SNX29: variants seen among roughly 807,000 people sequenced by gnomAD.
SNX29 encodes sorting nexin 29, also known as sorting nexin-29.
Under a neutral mutation model 102.1 loss-of-function variants are expected in SNX29, and 78 were observed. The observed-to-expected ratio is 0.76, with a 90% CI of 0.64 to 0.92. SNX29 has a LOEUF of 0.92. Among genes scored for constraint, SNX29 ranks in the 40% least tolerant of loss-of-function variants. The pLI, the probability that SNX29 is intolerant of heterozygous loss-of-function variation, is 0.00. For missense variants in SNX29, 1,280 were observed against 1,061.7 expected, an observed-to-expected ratio of 1.21 and a Z score of -2.86; for synonymous variants, 580 against 414.5, an observed-to-expected ratio of 1.40 and a Z score of -4.85.
intron 3 of SNX29, among the ~76,000 whole-genome samples, chr16:12,015,551 T>TC (rs1567528313): frequency 6.9e-6 from 1 of 145,322 alleles, no homozygotes; most frequent in South Asian, 2.2e-4. Flanking sequence ...TTTTTTTTTT[T>TC]CCGAGACGGA....
chr16:11,986,996 C>T (rs1003392111), intron 1 of SNX29, among the ~76,000 whole-genome samples: 11 of 152,276 alleles, frequency 7.2e-5, no homozygotes, highest in African/African-American at 1.7e-4. Flanking sequence ...TGTGTTATTA[C>T]GGAAAAGCTT....
chr16:12,512,120 G>T (rs1474097008), intron 19 of SNX29, among the ~76,000 whole-genome samples: 1 of 151,754 alleles, frequency 6.6e-6, no homozygotes, highest in Admixed American at 6.6e-5. Flanking sequence ...TTCTGGCTTC[G>T]TGGTACAGGC....
chr16:12,330,550 A>T (rs1476099455), intron 15 of SNX29, among the ~76,000 whole-genome samples: 1 of 152,224 alleles, frequency 6.6e-6, no homozygotes, highest in Non-Finnish European at 1.5e-5. Flanking sequence ...TCTGGACGAC[A>T]GGTGGTCACC....
chr16:12,018,497 C>T (rs1489431001), intron 3 of SNX29, among the ~76,000 whole-genome samples: 1 of 150,842 alleles, frequency 6.6e-6, no homozygotes, highest in East Asian at 1.9e-4. Flanking sequence ...GCAGGAGAAT[C>T]ACTTGAACCT....
At chr16:12,353,256 A>G (rs370530475) in intron 15 of SNX29, among the ~76,000 whole-genome samples, 10 of 152,142 alleles carry the variant, frequency 6.6e-5, no homozygotes, top group East Asian at 5.8e-4. Context: ...CAGCATTTCT[A>G]TCTCCTTGGT....
intron 18 of SNX29, among the ~76,000 whole-genome samples, chr16:12,450,721 G>A (rs1362251319): frequency 6.6e-6 from 1 of 152,192 alleles, no homozygotes; most frequent in Non-Finnish European, 1.5e-5. Context: ...AAGAGCTTGG[G>A]CATTGACCCA....
rs116617931 is a variant in SNX29 at position 12,268,731 on chromosome 16, T to C, written c.1679-9202T>C. ...TTAAAATGATTCTTTATTTTCGTCA[T>C]CAGCATCTCACACTGTTTGCATCTG... On this transcript the variant is annotated intron_variant, in intron 14 of 20. Coordinates refer to ENST00000566228, the MANE Select transcript of SNX29 (RefSeq NM_032167.5). Among the ~76,000 whole-genome samples the C allele has an allele frequency of 5.2e-3, 787 of 152,298 alleles. 6 individuals carry two copies. The highest frequency in any genetic ancestry group is 0.017 in the African/African-American group (718 of 41,560).
At chr16:12,399,092 C>A (rs954609051) in intron 17 of SNX29, among the ~76,000 whole-genome samples, 1 of 152,168 alleles carries the variant, frequency 6.6e-6, no homozygotes, top group African/African-American at 2.4e-5. Flanking sequence ...TCTCTGTCGC[C>A]CAGGCTGGAG....
At position 12,571,118 on chromosome 16, in the gene SNX29, T is replaced by A; in HGVS notation, c.*2489T>A. On this transcript the variant is annotated 3_prime_UTR_variant, in exon 21 of 21. Transcript: ENST00000566228. ...GCCTTCCCTTTGGAATCCCATAGAA[T>A]GTTCTGCAATGATTGGGTCCATCTT... 4.3e-6 allele frequency: 1 copy of A among 232,606 alleles called. No homozygotes were observed. The highest frequency in any genetic ancestry group is 8.5e-6 in the Non-Finnish European group (1 of 117,614). 14.4% of individuals were successfully genotyped at this position (232,606 alleles called of 1,614,324 possible). A position where few individuals can be genotyped will look rare whatever the true frequency, so the allele number is the denominator to read the frequency against.
chr16:12,563,528 G>A (rs985924505), intron 20 of SNX29, among the ~76,000 whole-genome samples: 2 of 152,192 alleles, frequency 1.3e-5, no homozygotes, highest in African/African-American at 4.8e-5. Context: ...GTGAAAAATT[G>A]AGTTGTCTCC....
rs752047319 is a variant in SNX29, at chr16:12,356,199, G to C, written c.1819G>C (p.Glu607Gln). Residue 607 changes from glutamate (E) to glutamine (Q), a missense_variant, in exon 16 of 21, where the codon GAG (glutamate) becomes CAG (glutamine). Coordinates refer to ENST00000566228, the MANE Select transcript of SNX29 (RefSeq NM_032167.5). Reference protein sequence around the residue: ...EMHGELIEFNERLHRALVAKE... With the variant: ...EMHGELIEFNQRLHRALVAKE... ...GCATGGCGAGCTGATTGAGTTCAACGAGCGCCTGCACAGGGCCCTGGTAGC... is the reference window on the plus strand; with the variant it reads ...GCATGGCGAGCTGATTGAGTTCAACCAGCGCCTGCACAGGGCCCTGGTAGC... The C allele has an allele frequency of 8.1e-6, 13 of 1,613,194 alleles. No individual in the cohort carries two copies. Among genetic ancestry groups the C allele is most frequent in the South Asian group, 6.6e-5 (6 of 90,844 alleles).
chr16:12,565,350 C>T (rs946839393), intron 20 of SNX29, among the ~76,000 whole-genome samples: 2 of 152,210 alleles, frequency 1.3e-5, no homozygotes, highest in Non-Finnish European at 2.9e-5. Flanking sequence ...ATCTGTCACG[C>T]ACTCACTGAA....
intron 18 of SNX29, among the ~76,000 whole-genome samples, chr16:12,447,288 A>G (rs1298452508): frequency 6.6e-6 from 1 of 151,370 alleles, no homozygotes; most frequent in African/African-American, 2.4e-5. Flanking sequence ...CCATCGGCTT[A>G]GCATGAGCTT....
intron 10 of SNX29, among the ~76,000 whole-genome samples, chr16:12,071,571 A>G (rs2151309151): frequency 6.6e-6 from 1 of 152,338 alleles, no homozygotes; most frequent in Non-Finnish European, 1.5e-5. Flanking sequence ...TGGTTACTGT[A>G]GCCTTGTAGT....
At chr16:12,242,629 C>T (rs1437613114) in intron 14 of SNX29, among the ~76,000 whole-genome samples, 2 of 150,098 alleles carry the variant, frequency 1.3e-5, no homozygotes, top group African/African-American at 2.5e-5. Flanking sequence ...CTCTCTTCTT[C>T]TCTTCTTCTT....
chr16:12,217,324 A>G (rs2077350278), intron 14 of SNX29, among the ~76,000 whole-genome samples: 1 of 152,084 alleles, frequency 6.6e-6, no homozygotes, highest in South Asian at 2.1e-4. Context: ...CCAGCCCCCA[A>G]CACCTGCTGT....
chr16:12,570,178 C>G lies in SNX29; in HGVS notation c.*1549C>G. On this transcript the variant is annotated 3_prime_UTR_variant, in exon 21 of 21. Transcript: ENST00000566228. ...ACAGCGCCCCCCCACCCCAGAGAAACCGAGTCAGCCTACATGACTTCCAAG... is the reference window on the plus strand; with the variant it reads ...ACAGCGCCCCCCCACCCCAGAGAAAGCGAGTCAGCCTACATGACTTCCAAG... 1 of 1,065,222 alleles carries G rather than the reference C, an allele frequency of 9.4e-7. No individual in the cohort carries two copies. 66.0% of individuals were successfully genotyped at this position (1,065,222 alleles called of 1,614,324 possible).
At chr16:12,352,844 T>C (rs2082025354) in intron 15 of SNX29, among the ~76,000 whole-genome samples, 1 of 152,226 alleles carries the variant, frequency 6.6e-6, no homozygotes, top group African/African-American at 2.4e-5. Context: ...TGTTGTCAAA[T>C]GGCATCTCCT....
At chr16:12,311,630 C>T (rs896447394) in intron 15 of SNX29, among the ~76,000 whole-genome samples, 35 of 152,244 alleles carry the variant, frequency 2.3e-4, no homozygotes, top group African/African-American at 5.8e-4. Flanking sequence ...GCTGGCCATG[C>T]CTAGATTCAT....
Sources: allele counts gnomAD v4.1 joint callset (sites outside exome capture counted in the v4.1 genomes callset), GRCh38; gene constraint gnomAD v4.1.1; transcripts MANE v1.5; gene names NCBI Gene and HGNC (gene_info 2026-07-23, HGNC 2026-07-21).